Variants in ZNF782 observed in about 807,000 individuals in gnomAD.
ZNF782 encodes the protein zinc finger protein 782.
In ZNF782, 12 loss-of-function variants were observed where a neutral mutation model predicts 13.0. The observed-to-expected ratio is 0.92, with a 90% CI of 0.59 to 1.50. The LOEUF (loss-of-function observed/expected upper bound fraction) is 1.50, where lower values mean the gene tolerates loss of function less well. Ranked by LOEUF, ZNF782 falls within the 40% of genes most tolerant of loss-of-function variation. ZNF782 has a pLI of 0.00. For missense variants in ZNF782, 770 were observed against 822.9 expected (o/e 0.94, Z 0.79); for synonymous variants, 284 against 283.0 (o/e 1.00, Z -0.04).
At chr9:96,821,599 TA>T in intron 5 of ZNF782, among the ~76,000 whole-genome samples, 1 of 152,142 alleles carries the variant, frequency 6.6e-6, no homozygotes, top group Non-Finnish European at 1.5e-5. Context: ...GGAAGCATTT[TA>T]AAACTTACGG....
In ZNF782 at chr9:96,819,168, G is replaced by T; in HGVS notation, c.855C>A (p.His285Gln). Reference protein sequence around the residue: ...DTGNCFCRITHKTLTGGKSFS... With the variant: ...DTGNCFCRITQKTLTGGKSFS... ...AGGATTTCCCTCCTGTGAGAGTTTT[G>T]TGAGTGATTCTACAGAAACAATTTC... The change falls in exon 6 of 6, where the codon CAC (histidine) becomes CAA (glutamine). Residue 285 changes from histidine to glutamine, a missense_variant. Coordinates refer to ENST00000481138, the MANE Select transcript of ZNF782 (RefSeq NM_001001662.3). The T allele has an allele frequency of 1.2e-6, 2 of 1,613,212 alleles. No homozygotes were observed. Among genetic ancestry groups the T allele is most frequent in the Non-Finnish European group, 1.7e-6 (2 of 1,179,594 alleles).
chr9:96,929,008 G>A, the ZNF782 span: 2 of 1,609,668 alleles, frequency 1.2e-6, no homozygotes, highest in Admixed American at 1.7e-5. Context: ...GTGGTGGTCA[G>A]TGCCCAGCCT....
At chr9:96,915,407 C>G in the ZNF782 span, among the ~76,000 whole-genome samples, 12,958 of 129,650 alleles carry the variant, frequency 0.1, 1,040 homozygotes, top group East Asian at 0.39. Context: ...GGCCGGGCAC[C>G]GTGGCTCATA....
At chr9:96,840,824 T>C (rs1164303647) in intron 4 of ZNF782, among the ~76,000 whole-genome samples, 1 of 151,968 alleles carries the variant, frequency 6.6e-6, no homozygotes, top group Admixed American at 6.5e-5. Flanking sequence ...AGTCTCAAAT[T>C]AATAGTGCAT....
At chr9:96,821,725 G>A (rs1238036318) in intron 5 of ZNF782, among the ~76,000 whole-genome samples, 1 of 150,084 alleles carries the variant, frequency 6.7e-6, no homozygotes, top group Non-Finnish European at 1.5e-5. Context: ...AGGCTGGAGT[G>A]CAGTGGTGCG....
the ZNF782 span, chr9:96,898,121 G>A: frequency 6.7e-6 from 1 of 149,072 alleles, no homozygotes; most frequent in Non-Finnish European, 1.5e-5. Flanking sequence ...TCACCCTGAA[G>A]GAGTCTCTGT....
intron 4 of ZNF782, among the ~76,000 whole-genome samples, chr9:96,839,918 G>A (rs975430809): frequency 6.6e-6 from 1 of 152,132 alleles, no homozygotes; most frequent in South Asian, 2.1e-4. Flanking sequence ...ATTAGTCAAT[G>A]ATGTACATTT....
At chr9:96,855,883 A>G (rs796821888), upstream of ZNF782, among the ~76,000 whole-genome samples, 1 of 152,174 alleles carries the variant, frequency 6.6e-6, no homozygotes, top group African/African-American at 2.4e-5. Context: ...GCAGTGTAGA[A>G]GTTTTCCCTG....
At chr9:96,873,409 G>A (rs531771610) in intron 1 of ZNF782, among the ~76,000 whole-genome samples, 40 of 152,312 alleles carry the variant, frequency 2.6e-4, no homozygotes, top group Middle Eastern at 3.4e-3. Flanking sequence ...GACTTCAAGA[G>A]TAAGTCAGGG....
Position 96,817,862 on chromosome 9 carries a change from T to G in ZNF782, c.*61A>C. 7.0e-7 allele frequency: 1 copy of G among 1,419,338 alleles called. No individual in the cohort carries two copies. Among genetic ancestry groups the G allele is most frequent in the Non-Finnish European group, 9.5e-7 (1 of 1,050,192 alleles). The allele number at this position is 1,419,338 out of a possible 1,614,324, so 87.9% of individuals were successfully genotyped here. A position where few individuals can be genotyped will look rare whatever the true frequency, so the allele number is the denominator to read the frequency against. ...AACAGTTCTCTCCTGTGTGTTCATT[T>G]ATGTATTGTGAGGTTTGATTTCCAG... is the stretch of plus-strand genomic sequence containing the variant. On this transcript the variant is annotated 3_prime_UTR_variant, in exon 6 of 6. Transcript: ENST00000481138.
At chr9:96,890,915 T>C in the ZNF782 span, 1 of 152,226 alleles carries the variant, frequency 6.6e-6, no homozygotes, top group African/African-American at 2.4e-5. Flanking sequence ...ATAAACCAAA[T>C]GTGGCATATG....
chr9:96,845,145 G>T, intron 3 of ZNF782, 129 bp from the exon 4 acceptor site: 1 of 1,124,976 alleles, frequency 8.9e-7, no homozygotes, highest in Non-Finnish European at 1.3e-6. Context: ...TCTTATTAAG[G>T]CCCTAATTCT....
intron 3 of ZNF782, among the ~76,000 whole-genome samples, chr9:96,845,959 A>T (rs765116666): frequency 1.4e-4 from 22 of 152,230 alleles, no homozygotes; most frequent in Non-Finnish European, 2.5e-4. Context: ...TAAAAGCATC[A>T]GGTAACCTAT....
intron 5 of ZNF782, among the ~76,000 whole-genome samples, chr9:96,824,756 C>G (rs12237190): frequency 0.13 from 18,932 of 145,520 alleles, 2,652 homozygotes; most frequent in African/African-American, 0.37. Context: ...TCTTATACAC[C>G]AATAACAGAC....
At chr9:96,823,598 T>A (rs896053220) in intron 5 of ZNF782, among the ~76,000 whole-genome samples, 3 of 152,224 alleles carry the variant, frequency 2.0e-5, no homozygotes, top group Non-Finnish European at 2.9e-5. Context: ...AGAGATAAAG[T>A]ATAGGGTAAA....
upstream of ZNF782, among the ~76,000 whole-genome samples, chr9:96,878,602 A>T (rs539905683): frequency 1.3e-5 from 2 of 152,270 alleles, no homozygotes; most frequent in East Asian, 3.9e-4. Flanking sequence ...TTGTCTCCTA[A>T]TCGAGTTATC....
At chr9:96,926,433 G>C in the ZNF782 span, among the ~76,000 whole-genome samples, 8 of 152,266 alleles carry the variant, frequency 5.3e-5, no homozygotes, top group African/African-American at 1.9e-4. Context: ...ATTGCTCTCC[G>C]TTGATCTTCT....
chr9:96,929,823 G>A, the ZNF782 span, among the ~76,000 whole-genome samples: 4 of 152,026 alleles, frequency 2.6e-5, no homozygotes. Context: ...TACTGTGGAG[G>A]TGAAGAATTT....
At chr9:96,846,928 A>G (rs1053793131) in intron 3 of ZNF782, among the ~76,000 whole-genome samples, 2 of 152,222 alleles carry the variant, frequency 1.3e-5, no homozygotes, top group African/African-American at 4.8e-5. Flanking sequence ...AAGACAGATC[A>G]TATGATAGGC....
Sources: gnomAD v4.1 joint callset for allele counts (sites outside exome capture counted in the v4.1 genomes callset) on GRCh38, gnomAD v4.1.1 for gene constraint, MANE v1.5 for transcripts, NCBI Gene and HGNC (gene_info 2026-07-23, HGNC 2026-07-21) for gene names.